Variants in UBXN11 observed in about 807,000 individuals in gnomAD.
UBXN11 encodes UBX domain protein 11.
Under a neutral mutation model 62.8 loss-of-function variants are expected in UBXN11, and 47 were observed. The observed-to-expected ratio is 0.75, with a 90% CI of 0.59 to 0.95. The LOEUF is 0.95. Ranked by LOEUF, UBXN11 falls within the 40% of genes least tolerant of loss-of-function variation. The pLI, the probability that UBXN11 is intolerant of heterozygous loss-of-function variation, is 0.00. For synonymous variants in UBXN11, 294 were observed against 267.0 expected (o/e 1.10, Z -0.99); for missense variants, 638 against 661.7 (o/e 0.96, Z 0.39).
At chr1:26,307,622 T>C (rs2073693308), upstream of UBXN11, among the ~76,000 whole-genome samples, 1 of 86,172 alleles carries the variant, frequency 1.2e-5, no homozygotes, top group South Asian at 3.0e-4. Context: ...GTTTTTCTGT[T>C]GCTTTTTTTT....
At chr1:26,289,815 G>A (rs562113538) in intron 8 of UBXN11, among the ~76,000 whole-genome samples, 9 of 152,352 alleles carry the variant, frequency 5.9e-5, no homozygotes, top group South Asian at 2.1e-4. Flanking sequence ...CAGCTCACGC[G>A]GTGCCGCCCT....
chr1:26,316,913 C>A (rs2124683718), intron 1 of UBXN11, among the ~76,000 whole-genome samples: 1 of 151,842 alleles, frequency 6.6e-6, no homozygotes, highest in East Asian at 1.9e-4. Flanking sequence ...CTGCTTGCTA[C>A]TTTCTCTACC....
intron 2 of UBXN11, among the ~76,000 whole-genome samples, chr1:26,302,529 C>G (rs1380682439): frequency 6.6e-6 from 1 of 152,110 alleles, no homozygotes; most frequent in Non-Finnish European, 1.5e-5. Flanking sequence ...GTCCGTAGAC[C>G]ATCTGTGTTT....
Position 26,285,470 on chromosome 1 carries a change from G to T in UBXN11, c.846C>A (p.Pro282=). ...TTGAGGAGCAGCTTATCACCTTAAA[G>T]GGGACCCCATTGGGGTACAGTCGCT... ...ELQRLYPNGV[P]FKVSDLRNQV... is the part of the protein sequence containing the mutation. Residue 282 remains proline (P), a synonymous_variant, in exon 10 of 15, where the codon CCC becomes CCA. Coordinates refer to ENST00000374222, the MANE Select transcript of UBXN11 (RefSeq NM_001389556.1). 6.2e-7 allele frequency: 1 copy of T among 1,611,444 alleles called. No individual in the cohort carries two copies. Among genetic ancestry groups the T allele is most frequent in the East Asian group, 2.2e-5 (1 of 44,780 alleles).
Position 26,298,008 on chromosome 1 carries a change from T to C in UBXN11, c.254A>G (p.Asp85Gly), listed in dbSNP as rs1285356765. 1.2e-6 allele frequency: 2 copies of C among 1,613,990 alleles called. No individual in the cohort carries two copies. The highest frequency in any genetic ancestry group is 2.2e-5 in the South Asian group (2 of 91,058). The part of the protein sequence containing the change: ...LMAFMTRKLW[D>G]LEQQVKAQTD... ...CTGGGCCTTCACCTGCTGCTCCAGG[T>C]CCCACAACTTCCTCGTCATGAAGGC... is the stretch of plus-strand genomic sequence containing the variant. Residue 85 changes from aspartate (D) to glycine (G), a missense_variant, in exon 5 of 15, where the codon GAC (aspartate) becomes GGC (glycine). Transcript: ENST00000374222.
chr1:26,306,839 G>T (rs1384350713), upstream of UBXN11: 6 of 115,134 alleles, frequency 5.2e-5, 1 homozygote, highest in African/African-American at 1.1e-4. Flanking sequence ...TGGGGGGGGG[G>T]GGTGGTTCGT....
intron 1 of UBXN11, among the ~76,000 whole-genome samples, chr1:26,314,545 T>C (rs572713344): frequency 6.6e-6 from 1 of 152,296 alleles, no homozygotes; most frequent in South Asian, 2.1e-4. Context: ...GTACTGACTT[T>C]ACTGTTGCCC....
At position 26,299,490 on chromosome 1, in the gene UBXN11, G is replaced by A. The variant is rs1267102172; in HGVS notation, c.200-1428C>T. Among the ~76,000 whole-genome samples, 7 of 135,124 alleles carry A rather than the reference G, an allele frequency of 5.2e-5. No individual in the cohort carries two copies. The East Asian group carries it at 1.3e-3, about 25-fold the overall frequency. 88.6% of individuals were successfully genotyped at this position (135,124 alleles called of 152,430 possible). ...TTTGCACCGCTGCACTCCAGGCTGG[G>A]CAACAGAGCAAGGCAGTCTCCAAAA... On this transcript the variant is annotated intron_variant, in intron 4 of 14. Transcript: ENST00000374222.
At chr1:26,282,981 T>C in intron 12 of UBXN11, 44 bp from the exon 13 acceptor site, 1 of 1,613,062 alleles carries the variant, frequency 6.2e-7, no homozygotes, top group Non-Finnish European at 8.5e-7. Flanking sequence ...TAGGCCCCAT[T>C]TGAGTCATCC....
At chr1:26,284,098 T>TAA in intron 12 of UBXN11, 44 bp downstream of exon 12, 1 of 1,545,890 alleles carries the variant, frequency 6.5e-7, no homozygotes, top group South Asian at 1.2e-5. Flanking sequence ...GGGCTGGTGC[T>TAA]AAAGTTCCCC....
rs771285405 is a variant in UBXN11 at position 26,298,077 on chromosome 1, A to C, written c.200-15T>G. 3 of 1,610,076 alleles carry C rather than the reference A, an allele frequency of 1.9e-6. No individual in the cohort carries two copies. The highest frequency in any genetic ancestry group is 1.1e-5 in the South Asian group (1 of 90,664). ...GGATGCAGGGACTGCCAAGCACACA[A>C]AGTCTTTAGAGCCCAGACCTAGAGC... On this transcript the variant is annotated splice_polypyrimidine_tract_variant and intron_variant, in intron 4 of 14. Coordinates refer to ENST00000374222, the MANE Select transcript of UBXN11 (RefSeq NM_001389556.1).
At chr1:26,294,840 T>C (rs538702059) in intron 7 of UBXN11, among the ~76,000 whole-genome samples, 31 of 152,316 alleles carry the variant, frequency 2.0e-4, no homozygotes, top group Admixed American at 5.9e-4. Flanking sequence ...GCCATACCTC[T>C]CTGAAACTGC....
Position 26,284,378 on chromosome 1 carries a change from CCT to C in UBXN11, c.955_956del (p.Arg319GlyfsTer12), listed in dbSNP as rs778456847. The C allele has an allele frequency of 5.0e-6, 8 of 1,613,966 alleles. 1 individual carries two copies. In the South Asian group the frequency reaches 8.8e-5, roughly 18 times the overall value. On this transcript the variant is annotated frameshift_variant, in exon 11 of 15. Coordinates refer to ENST00000374222, the MANE Select transcript of UBXN11 (RefSeq NM_001389556.1). LOFTEE classifies it high-confidence loss of function. ...CAAACTCACCTGGGTGCTCCTCCAC[CCT>C]GTCCAAGGCCTTGTGCATCAGCTGC... is the stretch of plus-strand genomic sequence containing the variant. ...GRQLMHKALD[R>X]VEEHPGSRMT...
upstream of UBXN11, among the ~76,000 whole-genome samples, chr1:26,310,944 T>C (rs773984320): frequency 1.3e-5 from 2 of 151,972 alleles, no homozygotes; most frequent in Non-Finnish European, 2.9e-5. Context: ...GGATTCCCTC[T>C]GGACTTCTGA....
At chr1:26,299,472 C>T (rs942873887) in intron 4 of UBXN11, among the ~76,000 whole-genome samples, 60 of 146,062 alleles carry the variant, frequency 4.1e-4, no homozygotes, top group Admixed American at 7.0e-4. Flanking sequence ...TGATTTGCAC[C>T]GCTGCACTCC....
chr1:26,282,804 G>T lies in UBXN11; in HGVS notation c.1152-15C>A. On this transcript the variant is annotated splice_polypyrimidine_tract_variant and intron_variant, in intron 13 of 14. Transcript: ENST00000374222. ...ACTCCTGGCTCCTGCACAGCCCAGA[G>T]GCCATCAGCACGCGGTGACCCAACG... 3.1e-6 allele frequency: 5 copies of T among 1,614,086 alleles called. No individual in the cohort carries two copies. Among genetic ancestry groups the T allele is most frequent in the Non-Finnish European group, 4.2e-6 (5 of 1,179,966 alleles).
intron 1 of UBXN11, among the ~76,000 whole-genome samples, chr1:26,303,349 G>A (rs2073584237): frequency 6.6e-6 from 1 of 152,154 alleles, no homozygotes; most frequent in Non-Finnish European, 1.5e-5. Flanking sequence ...CTCAGAGCCA[G>A]AGAGGCCAAC....
intron 8 of UBXN11, among the ~76,000 whole-genome samples, chr1:26,288,516 T>C (rs1457308647): frequency 1.3e-5 from 2 of 152,092 alleles, no homozygotes; most frequent in Non-Finnish European, 2.9e-5. Flanking sequence ...CAGGGCCTTG[T>C]GAAGCCAGTG....
At chr1:26,312,908 G>A (rs2073757008) in intron 1 of UBXN11, among the ~76,000 whole-genome samples, 1 of 146,954 alleles carries the variant, frequency 6.8e-6, no homozygotes, top group Admixed American at 6.9e-5. Context: ...GAACCTAGGA[G>A]GTGGAGGTTG....
Sources: gnomAD v4.1 joint callset for allele counts (sites outside exome capture counted in the v4.1 genomes callset) on GRCh38, gnomAD v4.1.1 for gene constraint, MANE v1.5 for transcripts, NCBI Gene and HGNC (gene_info 2026-07-23, HGNC 2026-07-21) for gene names.